GALNT17: variants seen among roughly 807,000 people sequenced by gnomAD.
GALNT17 encodes the protein polypeptide N-acetylgalactosaminyltransferase 17.
In GALNT17, 29 loss-of-function variants were observed where a neutral mutation model predicts 63.7. The observed-to-expected ratio is 0.46, with a 90% confidence interval of 0.34 to 0.62. The LOEUF is 0.62. Ranked by LOEUF, GALNT17 falls within the 20% of genes least tolerant of loss-of-function variation. The pLI is 0.01. For synonymous variants in GALNT17, 305 were observed against 318.3 expected, an observed-to-expected ratio of 0.96 and a Z score of 0.45; for missense variants, 603 against 799.6, an observed-to-expected ratio of 0.75 and a Z score of 2.97.
chr7:71,225,305 C>G (rs1311421297), intron 1 of GALNT17, among the ~76,000 whole-genome samples: 1 of 152,196 alleles, frequency 6.6e-6, no homozygotes, highest in Non-Finnish European at 1.5e-5. Flanking sequence ...GCTTCACTAC[C>G]TTAAATTTTC....
intron 7 of GALNT17, among the ~76,000 whole-genome samples, 156 bp from the exon 8 acceptor site, chr7:71,669,816 C>T (rs1432296648): frequency 6.6e-6 from 1 of 152,068 alleles, no homozygotes; most frequent in East Asian, 1.9e-4. Flanking sequence ...TCACCTCTGC[C>T]TCCTAAAGTG....
intron 1 of GALNT17, among the ~76,000 whole-genome samples, chr7:71,244,152 C>G (rs550899910): frequency 6.6e-6 from 1 of 152,320 alleles, no homozygotes; most frequent in African/African-American, 2.4e-5. Context: ...ACTGCATGCC[C>G]AGCTCTGCTC....
At chr7:71,683,068 A>C (rs1791292151) in intron 9 of GALNT17, among the ~76,000 whole-genome samples, 1 of 152,026 alleles carries the variant, frequency 6.6e-6, no homozygotes. Flanking sequence ...TCCAAGTGAA[A>C]GCTCCTGCCA....
chr7:71,181,596 G>T (rs1022277225), intron 1 of GALNT17, among the ~76,000 whole-genome samples: 3 of 152,078 alleles, frequency 2.0e-5, no homozygotes, highest in African/African-American at 7.2e-5. Context: ...GGCTGGGCAC[G>T]GTGGCTCATG....
chr7:71,615,154 C>T (rs1173642394), intron 6 of GALNT17, among the ~76,000 whole-genome samples: 1 of 152,192 alleles, frequency 6.6e-6, no homozygotes, highest in Non-Finnish European at 1.5e-5. Flanking sequence ...GATGACAAGG[C>T]CAGCGCTTCA....
At chr7:71,201,650 G>A (rs1249771260) in intron 1 of GALNT17, among the ~76,000 whole-genome samples, 1 of 118,572 alleles carries the variant, frequency 8.4e-6, no homozygotes, top group African/African-American at 3.5e-5. Flanking sequence ...TTAGTTTTTT[G>A]AGATGGAGTC....
At chr7:71,563,432 G>T (rs1789288359) in intron 5 of GALNT17, among the ~76,000 whole-genome samples, 1 of 152,202 alleles carries the variant, frequency 6.6e-6, no homozygotes, top group African/African-American at 2.4e-5. Context: ...ATGGGTGGTA[G>T]CTTCCTGTTG....
intron 5 of GALNT17, among the ~76,000 whole-genome samples, chr7:71,427,340 C>T (rs1786778447): frequency 6.6e-6 from 1 of 151,986 alleles, no homozygotes; most frequent in South Asian, 2.1e-4. Context: ...TCGTGATCTG[C>T]CTGCCTCAGC....
chr7:71,217,145 GT>G (rs1197080765), intron 1 of GALNT17, among the ~76,000 whole-genome samples: 3,300 of 122,726 alleles, frequency 0.027, 146 homozygotes, highest in African/African-American at 0.1. Flanking sequence ...TTCGTGTTTT[GT>G]TTTTTTTTTT....
intron 9 of GALNT17, among the ~76,000 whole-genome samples, chr7:71,693,159 TTAAG>T (rs1791480948): frequency 6.6e-6 from 1 of 150,576 alleles, no homozygotes; most frequent in South Asian, 2.1e-4. Flanking sequence ...AAGTATATAT[TTAAG>T]TATATACTAT....
intron 5 of GALNT17, among the ~76,000 whole-genome samples, chr7:71,442,940 G>C (rs1217325531): frequency 2.0e-5 from 3 of 152,106 alleles, no homozygotes; most frequent in Non-Finnish European, 4.4e-5. Flanking sequence ...GGACTCCCAG[G>C]CTCTTAAGAA....
intron 5 of GALNT17, among the ~76,000 whole-genome samples, chr7:71,526,457 C>T (rs560095320): frequency 6.6e-6 from 1 of 152,216 alleles, no homozygotes; most frequent in South Asian, 2.1e-4. Flanking sequence ...CGCCAGTCTA[C>T]TTCTGTGGCT....
chr7:71,685,612 AG>A (rs1791341053), intron 9 of GALNT17: 1 of 152,032 alleles, frequency 6.6e-6, no homozygotes, highest in African/African-American at 2.4e-5. Context: ...TCTTTGACCA[AG>A]CATGCAGTTT....
chr7:71,595,938 G>A (rs571255573), intron 6 of GALNT17, among the ~76,000 whole-genome samples: 1 of 152,282 alleles, frequency 6.6e-6, no homozygotes, highest in Non-Finnish European at 1.5e-5. Flanking sequence ...CCCATAAAGG[G>A]CAAGAGAGTA....
chr7:71,467,055 T>C (rs1291735907), intron 5 of GALNT17, among the ~76,000 whole-genome samples: 1 of 152,088 alleles, frequency 6.6e-6, no homozygotes, highest in Non-Finnish European at 1.5e-5. Context: ...AATTTTTGAT[T>C]TACGATTTTC....
At chr7:71,443,325 C>G (rs28595875) in intron 5 of GALNT17, among the ~76,000 whole-genome samples, 2,890 of 152,172 alleles carry the variant, frequency 0.019, 90 homozygotes, top group African/African-American at 0.066. Flanking sequence ...GGTCTTTACA[C>G]GCACTGTTTC....
chr7:71,621,553 A>AGATGGATGGATGGATGGATAGATG (rs1790294558), intron 6 of GALNT17, among the ~76,000 whole-genome samples: 1 of 142,934 alleles, frequency 7.0e-6, no homozygotes. Context: ...ATTGATGGAT[A>AGATGGATGGATGGATGGATAGATG]GATGGATGGA....
chr7:71,263,690 A>G lies in GALNT17; in HGVS notation c.239-71860A>G, dbSNP rs188563605. On this transcript the variant is annotated intron_variant, in intron 1 of 10. Coordinates refer to ENST00000333538, the MANE Select transcript of GALNT17 (RefSeq NM_022479.3). ...TGTAATCCCAGCACTTTGAGAGGCC[A>G]AGGCGGGCGGATCACTAGGTCAGGA... is the stretch of plus-strand genomic sequence containing the variant. Among the ~76,000 whole-genome samples the G allele has an allele frequency of 4.5e-3, 680 of 152,008 alleles. 23 individuals are homozygous for G. In the East Asian group the frequency reaches 0.097, roughly 22 times the overall value.
intron 1 of GALNT17, among the ~76,000 whole-genome samples, chr7:71,241,368 T>A (rs910869808): frequency 6.6e-6 from 1 of 152,160 alleles, no homozygotes; most frequent in African/African-American, 2.4e-5. Context: ...TCCCTAGAGA[T>A]AGGCTTTTTA....
Sources: allele counts gnomAD v4.1 joint callset (sites outside exome capture counted in the v4.1 genomes callset), GRCh38; gene constraint gnomAD v4.1.1; transcripts MANE v1.5; gene names NCBI Gene and HGNC (gene_info 2026-07-23, HGNC 2026-07-21).